Variants in PTPN4 observed in about 807,000 individuals in gnomAD.
The protein encoded by PTPN4 is tyrosine-protein phosphatase non-receptor type 4.
A neutral mutation model predicts 135.5 loss-of-function variants in PTPN4; 49 were observed. That is an observed-to-expected ratio of 0.36 (90% CI 0.29 to 0.46). PTPN4 has a LOEUF of 0.46. Among genes scored for constraint, PTPN4 ranks in the 20% least tolerant of loss-of-function variants. PTPN4 has a pLI of 1.00. For missense variants in PTPN4, 860 were observed against 1,101.0 expected, an observed-to-expected ratio of 0.78 and a Z score of 3.10; for synonymous variants, 333 against 369.9, an observed-to-expected ratio of 0.90 and a Z score of 1.14.
In PTPN4 at chr2:119,977,239, T is replaced by C; in HGVS notation, c.*169T>C. On this transcript the variant is annotated 3_prime_UTR_variant, in exon 27 of 27. Coordinates refer to ENST00000263708, the MANE Select transcript of PTPN4 (RefSeq NM_002830.4). ...CTTTATGTTTTAAAAAATGTCACTC[T>C]TTCAAAATCTATAACTCATGTATTT... 8.9e-7 allele frequency: 1 copy of C among 1,119,018 alleles called. No homozygotes were observed. Among genetic ancestry groups the C allele is most frequent in the Non-Finnish European group, 1.2e-6 (1 of 858,358 alleles). 69.3% of individuals were successfully genotyped at this position (1,119,018 alleles called of 1,614,324 possible). A position where few individuals can be genotyped will look rare whatever the true frequency, so the allele number is the denominator to read the frequency against.
intron 1 of PTPN4, among the ~76,000 whole-genome samples, chr2:119,789,091 CT>C (rs547900319): frequency 3.3e-3 from 469 of 142,276 alleles, no homozygotes; most frequent in Non-Finnish European, 3.6e-3. Context: ...TTTCTTTTTT[CT>C]TTTTTTTTTT....
Position 119,984,145 on chromosome 2 carries a change from A to G in PTPN4, c.*7075A>G, listed in dbSNP as rs1370038954. Among the ~76,000 whole-genome samples, 2 of 152,216 alleles carry G rather than the reference A, an allele frequency of 1.3e-5. No homozygotes were observed. The highest frequency in any genetic ancestry group is 2.9e-5 in the Non-Finnish European group (2 of 68,038). On this transcript the variant is annotated 3_prime_UTR_variant, in exon 27 of 27. Coordinates refer to ENST00000263708, the MANE Select transcript of PTPN4 (RefSeq NM_002830.4). The stretch of plus-strand genomic sequence containing the variant: ...ACATTACAGTTGTAATCTATGTTGT[A>G]ATCTTTTCAAATAAGAAAAGCTACT...
intron 2 of PTPN4, among the ~76,000 whole-genome samples, chr2:119,828,144 G>A (rs1431759754): frequency 6.6e-6 from 1 of 152,192 alleles, no homozygotes; most frequent in East Asian, 1.9e-4. Flanking sequence ...ATATGGAGAA[G>A]CCATATGTCA....
intron 15 of PTPN4, among the ~76,000 whole-genome samples, chr2:119,942,076 G>T (rs1003133874): frequency 6.6e-6 from 1 of 152,186 alleles, no homozygotes; most frequent in Admixed American, 6.5e-5. Flanking sequence ...TAAAAACAAT[G>T]AATGGTCCAA....
chr2:119,883,583 A>G (rs1678112023), intron 8 of PTPN4, among the ~76,000 whole-genome samples: 1 of 152,176 alleles, frequency 6.6e-6, no homozygotes, highest in South Asian at 2.1e-4. Flanking sequence ...TCAGGGAAAA[A>G]CTAAGGCAGT....
intron 13 of PTPN4, among the ~76,000 whole-genome samples, 155 bp downstream of exon 13, chr2:119,926,821 G>A (rs1678831582): frequency 6.6e-6 from 1 of 151,830 alleles, no homozygotes; most frequent in Non-Finnish European, 1.5e-5. Flanking sequence ...ATAATGTTGA[G>A]GGAATGATAA....
intron 8 of PTPN4, among the ~76,000 whole-genome samples, chr2:119,884,684 ATATC>A (rs1678129796): frequency 1.3e-5 from 2 of 149,134 alleles, no homozygotes. Context: ...TTGATTATAT[ATATC>A]TATTTGGTTT....
In PTPN4 at chr2:119,981,482, A is replaced by G. The variant is rs1679693460; in HGVS notation, c.*4412A>G. On this transcript the variant is annotated 3_prime_UTR_variant, in exon 27 of 27. Coordinates refer to ENST00000263708, the MANE Select transcript of PTPN4 (RefSeq NM_002830.4). ...ATCAGACTTACTGATCTCTTGGCAG[A>G]GATTTATTGGTGTCTCAGTGTGATC... 1 of 152,138 alleles carries G rather than the reference A, an allele frequency of 6.6e-6. No homozygotes were observed. Among genetic ancestry groups the G allele is most frequent in the Non-Finnish European group, 1.5e-5 (1 of 67,978 alleles). The allele number at this position is 152,138 out of a possible 1,614,324, so 9.4% of individuals were successfully genotyped here. A position where few individuals can be genotyped will look rare whatever the true frequency, so the allele number is the denominator to read the frequency against.
chr2:119,763,354 A>T (rs1339559461), intron 1 of PTPN4, among the ~76,000 whole-genome samples: 1 of 152,154 alleles, frequency 6.6e-6, no homozygotes, highest in African/African-American at 2.4e-5. Flanking sequence ...TTTAACAAGG[A>T]GGTTATATAG....
intron 1 of PTPN4, among the ~76,000 whole-genome samples, chr2:119,797,709 A>G (rs1352268187): frequency 6.6e-6 from 1 of 152,236 alleles, no homozygotes; most frequent in Non-Finnish European, 1.5e-5. Flanking sequence ...TAGAAAAAAT[A>G]AACTAAGTTT....
At position 119,934,882 on chromosome 2, in the gene PTPN4, T is replaced by C. The variant is rs759422475; in HGVS notation, c.1279T>C (p.Ser427Pro). Reference protein sequence around the residue: ...GHLVDHMVHTSPSEVFVNQRS... With the variant: ...GHLVDHMVHTPPSEVFVNQRS... ...TTTGGTAGACCATATGGTTCATACTTCCCCAAGCGAAGTGTTTGTAAATCA... is the reference window on the plus strand; with the variant it reads ...TTTGGTAGACCATATGGTTCATACTCCCCCAAGCGAAGTGTTTGTAAATCA... Residue 427 changes from serine to proline, a missense_variant, in exon 15 of 27, where the codon TCC (serine) becomes CCC (proline). Around this residue, in one of 2 missense-constraint regions of PTPN4, gnomAD observed 684 missense variants for 807.0 expected, o/e 0.85. Transcript: ENST00000263708. 7 of 1,613,642 alleles carry C rather than the reference T, an allele frequency of 4.3e-6. No individual in the cohort carries two copies. The East Asian group carries it at 1.3e-4, about 31-fold the overall frequency.
At chr2:119,854,509 GCCACTTCCTGCT>G (rs1365870671) in intron 2 of PTPN4, among the ~76,000 whole-genome samples, 6 of 152,076 alleles carry the variant, frequency 3.9e-5, no homozygotes, top group Admixed American at 2.6e-4. Flanking sequence ...ACTCTTTCTG[GCCACTTCCTGCT>G]GAAAAGGGGC....
At chr2:119,963,707 G>A (rs1245535477) in intron 24 of PTPN4, among the ~76,000 whole-genome samples, 2 of 152,184 alleles carry the variant, frequency 1.3e-5, no homozygotes, top group African/African-American at 4.8e-5. Flanking sequence ...TTATGGGCTA[G>A]AGTCCATCAG....
intron 2 of PTPN4, among the ~76,000 whole-genome samples, chr2:119,810,224 T>A (rs1160132306): frequency 6.6e-6 from 1 of 152,204 alleles, no homozygotes; most frequent in Non-Finnish European, 1.5e-5. Context: ...TTTTGATTAG[T>A]AGAGCAGATC....
chr2:119,850,202 A>G (rs997648529), intron 2 of PTPN4, among the ~76,000 whole-genome samples: 1 of 152,198 alleles, frequency 6.6e-6, no homozygotes, highest in African/African-American at 2.4e-5. Context: ...CCTTTAACAC[A>G]GCTTCTCCAC....
At chr2:119,819,854 G>C (rs1238630126) in intron 2 of PTPN4, among the ~76,000 whole-genome samples, 1 of 151,952 alleles carries the variant, frequency 6.6e-6, no homozygotes, top group African/African-American at 2.4e-5. Context: ...GGAATACTTG[G>C]CTGTTGTTTT....
At chr2:119,800,441 AT>A (rs768402085) in intron 1 of PTPN4, among the ~76,000 whole-genome samples, 392 of 123,118 alleles carry the variant, frequency 3.2e-3, no homozygotes, top group Non-Finnish European at 3.3e-3. Flanking sequence ...GGATTATTTG[AT>A]TTTTTTTTTT....
At chr2:119,881,648 C>T in intron 5 of PTPN4, 138 bp from the exon 6 acceptor site, 2 of 571,712 alleles carry the variant, frequency 3.5e-6, no homozygotes, top group Non-Finnish European at 5.9e-6. Context: ...TTTTAAACTA[C>T]TTTACATGTT....
intron 1 of PTPN4, chr2:119,791,123 T>G (rs1397602496): frequency 6.8e-6 from 1 of 147,604 alleles, no homozygotes; most frequent in East Asian, 1.9e-4. Context: ...AGCTATCTAA[T>G]TACTCTTTTT....
Sources: gnomAD v4.1 joint callset for allele counts (sites outside exome capture counted in the v4.1 genomes callset) on GRCh38, gnomAD v4.1.1 for gene constraint, gnomAD v4.1.1 regional missense constraint, MANE v1.5 for transcripts, NCBI Gene and HGNC (gene_info 2026-07-23, HGNC 2026-07-21) for gene names.